TMEM132D: variants seen among roughly 807,000 people sequenced by gnomAD.
TMEM132D encodes transmembrane protein 132D.
Under a neutral mutation model 62.3 loss-of-function variants are expected in TMEM132D, and 21 were observed. That is an observed-to-expected ratio of 0.34 (90% CI 0.24 to 0.49). The LOEUF (loss-of-function observed/expected upper bound fraction) is 0.49. Among genes scored for constraint, TMEM132D ranks in the 20% least tolerant of loss-of-function variants. The probability of loss-of-function intolerance (pLI) is 0.99; values close to 1 mark genes in which losing one functional copy is unlikely to be tolerated. For missense variants in TMEM132D, 1,346 were observed against 1,402.8 expected (o/e 0.96, Z 0.65); for synonymous variants, 621 against 575.6 (o/e 1.08, Z -1.13).
chr12:129,356,929 G>GGAGAA (rs1430470306), intron 3 of TMEM132D, among the ~76,000 whole-genome samples: 5 of 141,876 alleles, frequency 3.5e-5, no homozygotes, highest in African/African-American at 1.3e-4. Flanking sequence ...GGAGAGGAGA[G>GGAGAA]GAGAGGGGAG....
chr12:129,611,701 C>A (rs1016553831), intron 2 of TMEM132D, among the ~76,000 whole-genome samples: 3 of 152,178 alleles, frequency 2.0e-5, no homozygotes, highest in African/African-American at 4.8e-5. Context: ...AGGAGGCACC[C>A]TGATACTGAA....
In TMEM132D at chr12:129,903,252, CGT is replaced by C; in HGVS notation, c.79+7_79+8del. ...AGTCCCCGGGCCCTGGCGGCCGCGG[CGT>C]CCTCACCTTTGGAAAACAGGGCGGC... is the stretch of plus-strand genomic sequence containing the variant. On this transcript the variant is annotated splice_region_variant and intron_variant, in intron 1 of 8. Transcript: ENST00000422113. The surrounding 1 kb of genome is among the most constrained non-coding windows in gnomAD (Gnocchi z 6.2). The C allele has an allele frequency of 6.4e-7, 1 of 1,551,974 alleles. No individual in the cohort carries two copies. Among genetic ancestry groups the C allele is most frequent in the Non-Finnish European group, 8.7e-7 (1 of 1,147,226 alleles).
intron 1 of TMEM132D, among the ~76,000 whole-genome samples, chr12:129,801,410 A>AC (rs1187611925): frequency 1.3e-5 from 2 of 151,002 alleles, no homozygotes; most frequent in Non-Finnish European, 3.0e-5. Context: ...ACTGGGAGGC[A>AC]CCCCCCAGCA....
At position 129,073,856 on chromosome 12, in the gene TMEM132D, A is replaced by G. The variant is rs746194139; in HGVS notation, c.*19T>C. The stretch of plus-strand genomic sequence containing the variant: ...AAGGCTGAAAGGTGAGTGAGAACCA[A>G]TGTCTGTGTGTGTCTGGCTTACACA... On this transcript the variant is annotated 3_prime_UTR_variant, in exon 9 of 9. Coordinates refer to ENST00000422113, the MANE Select transcript of TMEM132D (RefSeq NM_133448.3). 1.3e-6 allele frequency: 2 copies of G among 1,516,102 alleles called. No homozygotes were observed. Among genetic ancestry groups the G allele is most frequent in the Admixed American group, 2.2e-5 (1 of 44,480 alleles). The allele number at this position is 1,516,102 out of a possible 1,614,324, so 93.9% of individuals were successfully genotyped here.
At chr12:129,364,106 C>T (rs1046928709) in intron 3 of TMEM132D, among the ~76,000 whole-genome samples, 1 of 152,152 alleles carries the variant, frequency 6.6e-6, no homozygotes, top group Non-Finnish European at 1.5e-5. Context: ...TGAACACTCT[C>T]CAGATAAGAT....
At chr12:129,591,670 TAAAG>T (rs1255775446) in intron 2 of TMEM132D, among the ~76,000 whole-genome samples, 1 of 151,526 alleles carries the variant, frequency 6.6e-6, no homozygotes, top group Non-Finnish European at 1.5e-5. Context: ...ATAATAATAA[TAAAG>T]AAAGAAAGAG....
At chr12:129,571,285 G>T (rs902661395) in intron 2 of TMEM132D, among the ~76,000 whole-genome samples, 3 of 152,166 alleles carry the variant, frequency 2.0e-5, no homozygotes, top group African/African-American at 7.2e-5. Context: ...GAAATTTAAG[G>T]CCGGGCGTGG....
At chr12:129,760,323 C>CTT (rs71082753) in intron 1 of TMEM132D, among the ~76,000 whole-genome samples, 5,543 of 114,832 alleles carry the variant, frequency 0.048, 667 homozygotes, top group South Asian at 0.093. Flanking sequence ...AAGCCACTTT[C>CTT]TTTTTTTTTT....
chr12:129,429,558 G>T (rs1170750990), intron 3 of TMEM132D, among the ~76,000 whole-genome samples: 1 of 150,728 alleles, frequency 6.6e-6, no homozygotes, highest in African/African-American at 2.4e-5. Flanking sequence ...ACAGGTGTGT[G>T]CCACCACACC....
At chr12:129,377,643 A>G (rs7976435) in intron 3 of TMEM132D, among the ~76,000 whole-genome samples, 64,496 of 151,774 alleles carry the variant, frequency 0.42, 14,056 homozygotes, top group Non-Finnish European at 0.48. Flanking sequence ...CCTGATATTT[A>G]GAGGAACTGT....
At chr12:129,876,773 C>T (rs1291875045) in intron 1 of TMEM132D, among the ~76,000 whole-genome samples, 1 of 152,214 alleles carries the variant, frequency 6.6e-6, no homozygotes, top group Non-Finnish European at 1.5e-5. Flanking sequence ...GACCTTATTT[C>T]TTCCAAGATT....
intron 1 of TMEM132D, among the ~76,000 whole-genome samples, chr12:129,760,148 C>G (rs1166841270): frequency 6.6e-6 from 1 of 152,034 alleles, no homozygotes; most frequent in Non-Finnish European, 1.5e-5. Context: ...CTCAAGCAAT[C>G]CTTCTGCCTT....
chr12:129,488,128 G>A (rs776820515), intron 3 of TMEM132D, among the ~76,000 whole-genome samples: 4 of 151,920 alleles, frequency 2.6e-5, no homozygotes, highest in Admixed American at 6.6e-5. Context: ...CACCAATGCC[G>A]GCACCTTGAT....
At chr12:129,334,840 T>C (rs535162952) in intron 4 of TMEM132D, among the ~76,000 whole-genome samples, 37 of 152,268 alleles carry the variant, frequency 2.4e-4, no homozygotes, top group African/African-American at 8.7e-4. Context: ...TCCACCTTTC[T>C]TGGCCTCCCA....
chr12:129,676,885 C>T (rs1187636646), intron 2 of TMEM132D, among the ~76,000 whole-genome samples: 3 of 152,150 alleles, frequency 2.0e-5, no homozygotes, highest in African/African-American at 7.2e-5. Context: ...ACTCACTCAC[C>T]CACACATCCA....
intron 4 of TMEM132D, among the ~76,000 whole-genome samples, chr12:129,271,892 G>A (rs913295387): frequency 6.6e-6 from 1 of 151,806 alleles, no homozygotes; most frequent in Admixed American, 6.6e-5. Flanking sequence ...TGTCTTTCTA[G>A]TAGAATGTTT....
rs150654040 is a variant in TMEM132D at position 129,411,967 on chromosome 12, G to C, written c.1116-74150C>G. Among the ~76,000 whole-genome samples, 520 of 152,146 alleles carry C rather than the reference G, an allele frequency of 3.4e-3. 5 individuals carry two copies. Among genetic ancestry groups the C allele is most frequent in the African/African-American group, 0.012 (495 of 41,502 alleles). Reference sequence around the variant, plus strand: ...TTGTTTAATCCTCCTCCTTCAACTAGAATTACCAAATGAAATTTTGACTGT... The same window carrying C: ...TTGTTTAATCCTCCTCCTTCAACTACAATTACCAAATGAAATTTTGACTGT... On this transcript the variant is annotated intron_variant, in intron 3 of 8. Transcript: ENST00000422113.
intron 1 of TMEM132D, among the ~76,000 whole-genome samples, chr12:129,883,324 C>T (rs747587863): frequency 2.6e-5 from 4 of 152,144 alleles, no homozygotes; most frequent in African/African-American, 4.8e-5. Flanking sequence ...CTAAAAACTA[C>T]GTGCAGCATC....
chr12:129,787,544 A>G (rs541478921), intron 1 of TMEM132D, among the ~76,000 whole-genome samples: 1 of 152,368 alleles, frequency 6.6e-6, no homozygotes, highest in Admixed American at 6.5e-5. Context: ...AATGGAAAGT[A>G]GAAATAATAG....
Sources: allele counts gnomAD v4.1 joint callset (sites outside exome capture counted in the v4.1 genomes callset), GRCh38; gene constraint gnomAD v4.1.1; non-coding constraint Gnocchi (gnomAD v3.1); transcripts MANE v1.5; gene names NCBI Gene and HGNC (gene_info 2026-07-23, HGNC 2026-07-21).